The following GALNTL5 variants were observed in gnomAD, a reference collection of about 807,000 sequenced individuals.
GALNTL5 encodes the protein polypeptide N-acetylgalactosaminyltransferase like 5.
In GALNTL5, 44 loss-of-function variants were observed where a neutral mutation model predicts 51.0. The observed-to-expected ratio is 0.86, with a 90% CI of 0.68 to 1.11. The LOEUF (loss-of-function observed/expected upper bound fraction) is 1.11, where lower values mean the gene tolerates loss of function less well. Among genes scored for constraint, GALNTL5 ranks in the 50% least tolerant of loss-of-function variants. GALNTL5 has a pLI of 0.00. For synonymous variants in GALNTL5, 192 were observed against 182.8 expected (o/e 1.05, Z -0.41); for missense variants, 528 against 531.8 (o/e 0.99, Z 0.07).
intron 5 of GALNTL5, among the ~76,000 whole-genome samples, chr7:151,994,649 A>T (rs2081471781): frequency 6.6e-6 from 1 of 152,000 alleles, no homozygotes; most frequent in African/African-American, 2.4e-5. Flanking sequence ...ATGACCTGTT[A>T]TCTTACTTTG....
At chr7:152,018,451 G>A (rs890207313) in intron 8 of GALNTL5, among the ~76,000 whole-genome samples, 1 of 151,866 alleles carries the variant, frequency 6.6e-6, no homozygotes, top group African/African-American at 2.4e-5. Context: ...TTATTTTCAT[G>A]TTTGTTGATT....
chr7:151,993,260 T>G (rs574150526), intron 5 of GALNTL5, among the ~76,000 whole-genome samples: 63 of 151,104 alleles, frequency 4.2e-4, no homozygotes, highest in African/African-American at 1.5e-3. Flanking sequence ...GGAAGATGCG[T>G]TTATGATTTT....
chr7:151,984,653 G>A, intron 4 of GALNTL5, among the ~76,000 whole-genome samples: 1 of 152,214 alleles, frequency 6.6e-6, no homozygotes, highest in East Asian at 1.9e-4. Context: ...CATGGGAAGA[G>A]TGTGGAGTGA....
At chr7:151,988,946 C>T (rs2081394355) in intron 5 of GALNTL5, among the ~76,000 whole-genome samples, 1 of 151,858 alleles carries the variant, frequency 6.6e-6, no homozygotes. Flanking sequence ...GTGATCTGCC[C>T]ACCTCGGCTT....
Position 152,019,875 on chromosome 7 carries a change from T to A in GALNTL5, c.*74T>A. 7.7e-7 allele frequency: 1 copy of A among 1,290,534 alleles called. No individual in the cohort carries two copies. The highest frequency in any genetic ancestry group is 1.1e-6 in the Non-Finnish European group (1 of 932,412). 79.9% of individuals were successfully genotyped at this position (1,290,534 alleles called of 1,614,324 possible). A position where few individuals can be genotyped will look rare whatever the true frequency, so the allele number is the denominator to read the frequency against. On this transcript the variant is annotated 3_prime_UTR_variant, in exon 9 of 9. Transcript: ENST00000392800. The stretch of plus-strand genomic sequence containing the variant: ...CATTCAACATAGTGTCACAAGAGTG[T>A]AAGTTTGGAACATCGTGGAATTACG...
At position 151,967,423 on chromosome 7, in the gene GALNTL5, C is replaced by G. The variant is rs201942984; in HGVS notation, c.177C>G (p.Gly59=). 6.2e-7 allele frequency: 1 copy of G among 1,613,970 alleles called. No homozygotes were observed. Among genetic ancestry groups the G allele is most frequent in the East Asian group, 2.2e-5 (1 of 44,860 alleles). ...AAGTGCATCAGCAAATTATCTATGG[C>G]TCAGAGCAAATACCAAAACCTCATG... The part of the protein sequence containing the change: ...GKKVHQQIIY[G]SEQIPKPHVI... The change falls in exon 2 of 9, where the codon GGC becomes GGG. Residue 59 remains glycine (G), a synonymous_variant. Coordinates refer to ENST00000392800, the MANE Select transcript of GALNTL5 (RefSeq NM_145292.4).
intron 5 of GALNTL5, among the ~76,000 whole-genome samples, chr7:151,990,124 C>G (rs541063561): frequency 3.3e-5 from 5 of 151,906 alleles, no homozygotes; most frequent in Non-Finnish European, 4.4e-5. Flanking sequence ...CTCACTGCAA[C>G]CTTCGCCTCC....
chr7:151,975,553 C>T (rs1415476921), intron 3 of GALNTL5, among the ~76,000 whole-genome samples: 1 of 151,940 alleles, frequency 6.6e-6, no homozygotes, highest in Non-Finnish European at 1.5e-5. Flanking sequence ...TTCCTAATCT[C>T]TATTTCATTT....
At chr7:151,990,625 CTG>C (rs780723667) in intron 5 of GALNTL5, among the ~76,000 whole-genome samples, 3 of 148,076 alleles carry the variant, frequency 2.0e-5, no homozygotes, top group Admixed American at 6.7e-5. Context: ...CAGGGCTAGA[CTG>C]AACTTCCTAG....
At chr7:151,992,504 G>A (rs1406766036) in intron 5 of GALNTL5, among the ~76,000 whole-genome samples, 2 of 152,090 alleles carry the variant, frequency 1.3e-5, no homozygotes, top group Non-Finnish European at 2.9e-5. Flanking sequence ...GGGCTGCAGC[G>A]GCGTCACCCT....
In GALNTL5 at chr7:151,961,060, C is replaced by A. The variant is rs530968198; in HGVS notation, c.-40+4451C>A. 7.9e-5 allele frequency among the ~76,000 whole-genome samples: 12 copies of A among 152,262 alleles called. No homozygotes were observed. In the South Asian group the frequency reaches 2.5e-3, roughly 32 times the overall value. On this transcript the variant is annotated intron_variant, in intron 1 of 8. Transcript: ENST00000392800. Reference sequence around the variant, plus strand: ...TAGAAGTCAAAGCCAAGCATGGGGGCGTGTGCCTATAGCTCCAGCACTTTG... The same window carrying A: ...TAGAAGTCAAAGCCAAGCATGGGGGAGTGTGCCTATAGCTCCAGCACTTTG...
chr7:151,981,163 G>A (rs73161843), intron 3 of GALNTL5, among the ~76,000 whole-genome samples: 27,198 of 151,942 alleles, frequency 0.18, 2,565 homozygotes, highest in African/African-American at 0.24. Context: ...TCTTGGAAAA[G>A]GTAAAGTCCC....
At chr7:151,970,657 G>T in intron 2 of GALNTL5, 1 of 228,224 alleles carries the variant, frequency 4.4e-6, no homozygotes, top group Non-Finnish European at 8.7e-6. Flanking sequence ...GCTTCCTGAG[G>T]CCCCCACCAG....
chr7:151,969,833 G>C (rs183106109), intron 2 of GALNTL5, among the ~76,000 whole-genome samples: 1 of 152,292 alleles, frequency 6.6e-6, no homozygotes, highest in Non-Finnish European at 1.5e-5. Context: ...TTGAGATGGA[G>C]TCTCGCTCTG....
In GALNTL5 at chr7:151,956,626, C is replaced by G. The variant is rs962681654; in HGVS notation, c.-40+17C>G. 6.6e-6 allele frequency: 1 copy of G among 152,108 alleles called. No individual in the cohort carries two copies. Among genetic ancestry groups the G allele is most frequent in the African/African-American group, 2.4e-5 (1 of 41,392 alleles). The allele number at this position is 152,108 out of a possible 1,614,324, so 9.4% of individuals were successfully genotyped here. A position where few individuals can be genotyped will look rare whatever the true frequency, so the allele number is the denominator to read the frequency against. On this transcript the variant is annotated intron_variant, in intron 1 of 8. Transcript: ENST00000392800. ...ATCTCAAGGGTAGGTGAAGTGAGCCCCATGTGCTAGAAGTGGGAACAAAGA... is the reference window on the plus strand; with the variant it reads ...ATCTCAAGGGTAGGTGAAGTGAGCCGCATGTGCTAGAAGTGGGAACAAAGA...
intron 3 of GALNTL5, among the ~76,000 whole-genome samples, chr7:151,975,031 C>T (rs1033404509): frequency 6.6e-6 from 1 of 152,148 alleles, no homozygotes; most frequent in Non-Finnish European, 1.5e-5. Flanking sequence ...CATATTATTT[C>T]ATTAAATGGA....
At chr7:151,985,863 T>C (rs73728495) in intron 4 of GALNTL5, 5,764 of 152,396 alleles carry the variant, frequency 0.038, 343 homozygotes, top group African/African-American at 0.13. Flanking sequence ...GGCCTGCAAG[T>C]GCAGCTATGC....
intron 8 of GALNTL5, among the ~76,000 whole-genome samples, chr7:152,015,161 C>T (rs898453453): frequency 6.6e-6 from 1 of 152,124 alleles, no homozygotes; most frequent in African/African-American, 2.4e-5. Flanking sequence ...ATTCTCAGTT[C>T]ATCCTAAGCT....
rs1221602708 is a variant in GALNTL5, at chr7:152,005,155, G to A, written c.908+2192G>A. 2.6e-5 allele frequency among the ~76,000 whole-genome samples: 4 copies of A among 152,270 alleles called. No individual in the cohort carries two copies. In the East Asian group the frequency reaches 7.7e-4, roughly 29 times the overall value. On this transcript the variant is annotated intron_variant, in intron 6 of 8. Transcript: ENST00000392800. ...ATGGTATTAATTAGCATTCATATCT[G>A]AAGATACATTTTTCCCTTAGTTCTA... is the stretch of plus-strand genomic sequence containing the variant.
Sources: gnomAD v4.1 joint callset for allele counts (sites outside exome capture counted in the v4.1 genomes callset) on GRCh38, gnomAD v4.1.1 for gene constraint, MANE v1.5 for transcripts, NCBI Gene and HGNC (gene_info 2026-07-23, HGNC 2026-07-21) for gene names.